ZNF710: variants seen among roughly 807,000 people sequenced by gnomAD.
ZNF710 encodes zinc finger protein 710.
In ZNF710, 13 loss-of-function variants were observed where a neutral mutation model predicts 50.6. That is an observed-to-expected ratio of 0.26 (90% CI 0.17 to 0.41). The LOEUF (loss-of-function observed/expected upper bound fraction) is 0.41, where lower values mean the gene tolerates loss of function less well. Among genes scored for constraint, ZNF710 ranks in the 10% least tolerant of loss-of-function variants. The pLI, the probability that ZNF710 is intolerant of heterozygous loss-of-function variation, is 1.00. For missense variants in ZNF710, 721 were observed against 936.6 expected (o/e 0.77, Z 3.01); for synonymous variants, 383 against 397.0 (o/e 0.96, Z 0.42).
At chr15:90,001,966 T>TGAGAGAGAGA (rs745830369) in intron 1 of ZNF710, among the ~76,000 whole-genome samples, 56 of 96,844 alleles carry the variant, frequency 5.8e-4, no homozygotes, top group African/African-American at 2.1e-3. Context: ...AGCGCGCGAA[T>TGAGAGAGAGA]GAGAGAGAGA....
chr15:90,065,533 C>T (rs951837244), intron 1 of ZNF710, among the ~76,000 whole-genome samples: 2 of 152,146 alleles, frequency 1.3e-5, no homozygotes, highest in East Asian at 1.9e-4. Flanking sequence ...AGGTGGACCT[C>T]GAGCCACGCC....
chr15:90,027,116 C>T (rs1360469632), intron 1 of ZNF710, among the ~76,000 whole-genome samples: 1 of 152,094 alleles, frequency 6.6e-6, no homozygotes, highest in Admixed American at 6.5e-5. Flanking sequence ...AAATCTTAGG[C>T]TAGAGGTTTA....
At chr15:90,026,275 A>AAAC in intron 1 of ZNF710, among the ~76,000 whole-genome samples, 1 of 151,174 alleles carries the variant, frequency 6.6e-6, no homozygotes, top group South Asian at 2.1e-4. Flanking sequence ...ACAACAAAAA[A>AAAC]AAAAAAGGGA....
chr15:90,042,633 A>C (rs755893058), intron 1 of ZNF710, among the ~76,000 whole-genome samples: 7 of 152,218 alleles, frequency 4.6e-5, no homozygotes, highest in Non-Finnish European at 1.0e-4. Context: ...AGGTTTCGTC[A>C]TGACTCGCTA....
chr15:90,043,121 A>C lies in ZNF710; in HGVS notation c.-28-23989A>C, dbSNP rs867252810. On this transcript the variant is annotated intron_variant, in intron 1 of 4. Coordinates refer to ENST00000268154, the MANE Select transcript of ZNF710 (RefSeq NM_198526.4). ...CCCTTCACCCCACACCCCACCGGGG[A>C]CCGAGCACCTCCTGTGTGCAGGCAG... 2.0e-5 allele frequency among the ~76,000 whole-genome samples: 3 copies of C among 152,342 alleles called. No individual in the cohort carries two copies. In the South Asian group the frequency reaches 6.2e-4, roughly 32 times the overall value.
chr15:90,058,320 A>G (rs538280541), intron 1 of ZNF710, among the ~76,000 whole-genome samples: 1 of 152,296 alleles, frequency 6.6e-6, no homozygotes, highest in South Asian at 2.1e-4. Flanking sequence ...GAGAGTGTGC[A>G]TCTGCTCTTG....
At position 90,067,406 on chromosome 15, in the gene ZNF710, C is replaced by T; in HGVS notation, c.269C>T (p.Ala90Val). The T allele has an allele frequency of 6.3e-7, 1 of 1,599,574 alleles. No individual in the cohort carries two copies. Among genetic ancestry groups the T allele is most frequent in the Non-Finnish European group, 8.5e-7 (1 of 1,172,836 alleles). The change falls in exon 2 of 5, where the codon GCC becomes GTC. Residue 90 changes from alanine (A) to valine (V), a missense_variant. Coordinates refer to ENST00000268154, the MANE Select transcript of ZNF710 (RefSeq NM_198526.4). This position sits in a 1 kb window ranked among gnomAD's most constrained non-coding sequence, Gnocchi z 8.1. ...GAGGAGGTGCTGGAGGTGGAGGCAG[C>T]CTGTGAGAAGCACACCCGGCGGAAG... ...AEEEVLEVEAACEKHTRRKTR... is the reference protein window; with the variant it reads ...AEEEVLEVEAVCEKHTRRKTR...
intron 1 of ZNF710, among the ~76,000 whole-genome samples, chr15:90,063,545 C>G (rs1197418217): frequency 1.3e-5 from 2 of 152,152 alleles, no homozygotes; most frequent in Non-Finnish European, 2.9e-5. Flanking sequence ...CTGGGTTAGT[C>G]CCTTTCTACA....
chr15:90,023,350 A>C (rs1479761765), intron 1 of ZNF710, among the ~76,000 whole-genome samples: 1 of 152,212 alleles, frequency 6.6e-6, no homozygotes, highest in East Asian at 1.9e-4. Flanking sequence ...TTCTCCTTGC[A>C]CAAGTTCTTC....
At chr15:90,070,650 A>AAAAAG (rs1019654689) in intron 2 of ZNF710, among the ~76,000 whole-genome samples, 5 of 152,080 alleles carry the variant, frequency 3.3e-5, no homozygotes, top group Non-Finnish European at 7.4e-5. Context: ...CTATCTCAAA[A>AAAAAG]AAAAGAAAAA....
At chr15:90,056,984 ATCAGCAT>A (rs1311604710) in intron 1 of ZNF710, among the ~76,000 whole-genome samples, 1 of 152,038 alleles carries the variant, frequency 6.6e-6, no homozygotes, top group Admixed American at 6.6e-5. Flanking sequence ...GCCTTCTGGG[ATCAGCAT>A]TCCCTTGGGC....
chr15:90,032,273 T>C (rs1454356826), intron 1 of ZNF710, among the ~76,000 whole-genome samples: 1 of 152,158 alleles, frequency 6.6e-6, no homozygotes, highest in South Asian at 2.1e-4. Context: ...GCTGGGATTA[T>C]AGGCGTGAGC....
Sources: allele counts gnomAD v4.1 joint callset (sites outside exome capture counted in the v4.1 genomes callset), GRCh38; gene constraint gnomAD v4.1.1; non-coding constraint Gnocchi (gnomAD v3.1); transcripts MANE v1.5; gene names NCBI Gene and HGNC (gene_info 2026-07-23, HGNC 2026-07-21).